Variants in TUBB4A observed in about 807,000 individuals in gnomAD.
TUBB4A encodes tubulin beta-4A chain.
Under a neutral mutation model 35.1 loss-of-function variants are expected in TUBB4A, and 13 were observed. The ratio of observed to expected loss-of-function variants is 0.37; its 90% CI spans 0.24 to 0.59. The LOEUF is 0.59. Ranked by LOEUF, TUBB4A falls within the 20% of genes least tolerant of loss-of-function variation. TUBB4A has a pLI of 0.71. For synonymous variants in TUBB4A, 279 were observed against 272.4 expected, an observed-to-expected ratio of 1.02 and a Z score of -0.24; for missense variants, 299 against 647.2, an observed-to-expected ratio of 0.46 and a Z score of 5.84.
chr19:6,497,021 AAAAATATATATATATATATATATATAT>A (rs1914256425), intron 3 of TUBB4A, among the ~76,000 whole-genome samples: 1 of 38,072 alleles, frequency 2.6e-5, no homozygotes, highest in South Asian at 1.0e-3. Flanking sequence ...AAAAAAAAAA[AAAAATATATATATATATATATATATAT>A]ATATATATAT....
chr19:6,495,649 G>T lies in TUBB4A; in HGVS notation c.850C>A (p.Leu284Met). 6.2e-7 allele frequency: 1 copy of T among 1,614,056 alleles called. No homozygotes were observed. The highest frequency in any genetic ancestry group is 1.1e-5 in the South Asian group (1 of 91,088). Residue 284 changes from leucine (L) to methionine (M), a missense_variant, in exon 4 of 4, where the codon CTG (leucine) becomes ATG (methionine). Leu to Met is a conservative substitution (Grantham distance 15). This residue lies in a region of TUBB4A where 125 missense variants were observed against 279.1 expected (regional missense o/e 0.45). Coordinates refer to ENST00000264071, the MANE Select transcript of TUBB4A (RefSeq NM_006087.4). This position sits in a 1 kb window ranked among gnomAD's most constrained non-coding sequence, Gnocchi z 8.7. ...TGCTGGGTGAGCTCGGGCACCGTCA[G>T]GGCCCGGTACTGCTGGCTGCCCCGG... ...TSRGSQQYRA[L>M]TVPELTQQMF...
chr19:6,498,804 T>C (rs774300155), intron 3 of TUBB4A, among the ~76,000 whole-genome samples: 1 of 152,248 alleles, frequency 6.6e-6, no homozygotes, highest in Non-Finnish European at 1.5e-5. Context: ...CTGTGTGACC[T>C]TGGACAAGTG....
In TUBB4A at chr19:6,497,218, A is replaced by G. The variant is rs1224461707; in HGVS notation, c.278-997T>C. Among the ~76,000 whole-genome samples, 4 of 149,862 alleles carry G rather than the reference A, an allele frequency of 2.7e-5. No individual in the cohort carries two copies. The Admixed American group carries it at 2.7e-4, about 10-fold the overall frequency. On this transcript the variant is annotated intron_variant, in intron 3 of 3. Coordinates refer to ENST00000264071, the MANE Select transcript of TUBB4A (RefSeq NM_006087.4). ...CAGAGCAAGACCCTGTCTCTAAAAC[A>G]AATAAATAATAACAATAAAAAGATT...
In TUBB4A at chr19:6,501,659, G is replaced by A. The variant is rs1167966307; in HGVS notation, c.58-36C>T. On this transcript the variant is annotated intron_variant, in intron 1 of 3. Transcript: ENST00000264071. This position sits in a 1 kb window ranked among gnomAD's most constrained non-coding sequence, Gnocchi z 4.2. ...AGGTGGTCGGAAGAGTTGAGAGAGGGGAAGCCGGTGGCCAAGCCGAGGACT... is the reference window on the plus strand; with the variant it reads ...AGGTGGTCGGAAGAGTTGAGAGAGGAGAAGCCGGTGGCCAAGCCGAGGACT... The A allele has an allele frequency of 5.7e-6, 9 of 1,579,998 alleles. No homozygotes were observed. Among genetic ancestry groups the A allele is most frequent in the Non-Finnish European group, 7.8e-6 (9 of 1,155,086 alleles).
rs1914148166 is a variant in TUBB4A at position 6,495,942 on chromosome 19, G to A, written c.557C>T (p.Thr186Met). ...SDTVVEPYNA[T>M]LSVHQLVENT... ...CTCCACCAGCTGGTGCACAGACAGC[G>A]TGGCGTTGTAGGGCTCCACCACCGT... Residue 186 changes from threonine (T) to methionine (M), a missense_variant, in exon 4 of 4, where the codon ACG becomes ATG. Transcript: ENST00000264071. This position sits in a 1 kb window ranked among gnomAD's most constrained non-coding sequence, Gnocchi z 8.7. 1 of 1,614,208 alleles carries A rather than the reference G, an allele frequency of 6.2e-7. No homozygotes were observed. Among genetic ancestry groups the A allele is most frequent in the Non-Finnish European group, 8.5e-7 (1 of 1,180,044 alleles).
At chr19:6,499,696 C>T (rs1286302653) in intron 3 of TUBB4A, among the ~76,000 whole-genome samples, 2 of 152,238 alleles carry the variant, frequency 1.3e-5, no homozygotes, top group Non-Finnish European at 2.9e-5. Flanking sequence ...ACATTCTAGA[C>T]TGCAGATAGT....
chr19:6,497,831 G>A (rs1478029113), intron 3 of TUBB4A, among the ~76,000 whole-genome samples: 2 of 146,308 alleles, frequency 1.4e-5, no homozygotes, highest in Non-Finnish European at 3.0e-5. Context: ...TACTCGGGAG[G>A]CTGAGCCTGC....
chr19:6,500,833 G>A (rs1914495651), intron 3 of TUBB4A: 1 of 157,244 alleles, frequency 6.4e-6, no homozygotes, highest in Non-Finnish European at 1.4e-5. Context: ...CCCTGGCAGA[G>A]CTTTACTTAT....
intron 3 of TUBB4A, 75 bp from the exon 4 acceptor site, chr19:6,496,296 T>C (rs1020830119): frequency 2.1e-6 from 3 of 1,413,120 alleles, no homozygotes; most frequent in Non-Finnish European, 2.9e-6. Context: ...CTCCACCACC[T>C]GGAGGGCCTC....
intron 3 of TUBB4A, among the ~76,000 whole-genome samples, chr19:6,498,296 T>A (rs1914362738): frequency 6.6e-6 from 1 of 152,044 alleles, no homozygotes; most frequent in South Asian, 2.1e-4. Flanking sequence ...CTCATCTGTC[T>A]CCACCTTAGT....
chr19:6,496,433 T>A (rs893414140), intron 3 of TUBB4A: 4 of 509,192 alleles, frequency 7.9e-6, no homozygotes, highest in Non-Finnish European at 1.4e-5. Flanking sequence ...ATCGAGACCA[T>A]CCTGGCTAAC....
chr19:6,495,167 G>A lies in TUBB4A; in HGVS notation c.1332C>T (p.Ala444=), dbSNP rs758734177. The change falls in exon 4 of 4, where the codon GCC becomes GCT. Residue 444 remains alanine (A), a synonymous_variant. Coordinates refer to ENST00000264071, the MANE Select transcript of TUBB4A (RefSeq NM_006087.4). This position sits in a 1 kb window ranked among gnomAD's most constrained non-coding sequence, Gnocchi z 8.7. The part of the protein sequence containing the change: ...EFEEEAEEEV[A] Reference sequence around the variant, plus strand: ...GGTGGGAAGCGATGGGAGCAGCCTAGGCCACCTCCTCCTCCGCCTCCTCCT... The same window carrying A: ...GGTGGGAAGCGATGGGAGCAGCCTAAGCCACCTCCTCCTCCGCCTCCTCCT... 14 of 1,613,636 alleles carry A rather than the reference G, an allele frequency of 8.7e-6. No individual in the cohort carries two copies. Among genetic ancestry groups the A allele is most frequent in the Non-Finnish European group, 2.5e-6 (3 of 1,179,824 alleles).
Position 6,501,875 on chromosome 19 carries a change from C to T in TUBB4A, c.58-252G>A. On this transcript the variant is annotated intron_variant, in intron 1 of 3. Transcript: ENST00000264071. The surrounding 1 kb of genome is among the most constrained non-coding windows in gnomAD (Gnocchi z 4.2). ...CCAGGCTGCAGCCCGGGGGAGGCAC[C>T]GGGGCTCTTTGTGCGTGAGGAGGGG... is the stretch of plus-strand genomic sequence containing the variant. The T allele has an allele frequency of 3.4e-6, 2 of 585,456 alleles. No homozygotes were observed. The highest frequency in any genetic ancestry group is 4.2e-5 in the South Asian group (2 of 47,718). The allele number at this position is 585,456 out of a possible 1,614,324, so 36.3% of individuals were successfully genotyped here.
At chr19:6,497,027 ATATATATATATATATATATATATAT>A (rs1914270711) in intron 3 of TUBB4A, among the ~76,000 whole-genome samples, 14 of 15,968 alleles carry the variant, frequency 8.8e-4, no homozygotes, top group Admixed American at 2.0e-3. Context: ...AAAAAAAAAT[ATATATATATATATATATATATATAT>A]ATATATATAT....
At chr19:6,497,061 A>ATATG (rs1914278499) in intron 3 of TUBB4A, among the ~76,000 whole-genome samples, 3 of 100,186 alleles carry the variant, frequency 3.0e-5, no homozygotes, top group East Asian at 6.5e-4. Flanking sequence ...ATATATATAT[A>ATATG]TATAAATTAG....
intron 3 of TUBB4A, among the ~76,000 whole-genome samples, chr19:6,499,433 G>A (rs1914426112): frequency 6.6e-6 from 1 of 152,084 alleles, no homozygotes; most frequent in Admixed American, 6.6e-5. Flanking sequence ...CCTGTAAAAT[G>A]GAAGTAAGAG....
At position 6,495,819 on chromosome 19, in the gene TUBB4A, TG is replaced by T. The variant is rs749328256; in HGVS notation, c.679del (p.His227ThrfsTer7). ...CCCGCTCATGGTGGCCGACACCAGG[TG>T]GTTGAGGTCCCCGTAGGTGGGGGTG... ...LTTPTYGDLN[H>X]LVSATMSGVT... On this transcript the variant is annotated frameshift_variant, in exon 4 of 4. Transcript: ENST00000264071. LOFTEE classifies it high-confidence loss of function. The surrounding 1 kb of genome is among the most constrained non-coding windows in gnomAD (Gnocchi z 8.7). The T allele has an allele frequency of 6.2e-7, 1 of 1,613,886 alleles. No individual in the cohort carries two copies. The highest frequency in any genetic ancestry group is 8.5e-7 in the Non-Finnish European group (1 of 1,179,994).
Position 6,501,327 on chromosome 19 carries a change from G to T in TUBB4A, c.237C>A (p.Gly79=). The T allele has an allele frequency of 6.2e-7, 1 of 1,614,164 alleles. No homozygotes were observed. The highest frequency in any genetic ancestry group is 8.5e-7 in the Non-Finnish European group (1 of 1,180,006). The change falls in exon 3 of 4, where the codon GGC becomes GGA. Residue 79 remains glycine (G), a synonymous_variant. Coordinates refer to ENST00000264071, the MANE Select transcript of TUBB4A (RefSeq NM_006087.4). The surrounding 1 kb of genome is among the most constrained non-coding windows in gnomAD (Gnocchi z 4.2). ...EPGTMDSVRS[G]PFGQIFRPDN... ...CCGGCCGAAAGATCTGACCGAAGGG[G>T]CCAGAACGGACAGAGTCCATGGTGC...
At chr19:6,497,660 C>A (rs999287403) in intron 3 of TUBB4A, among the ~76,000 whole-genome samples, 4 of 151,920 alleles carry the variant, frequency 2.6e-5, no homozygotes, top group Non-Finnish European at 5.9e-5. Context: ...ATTGGCCAGG[C>A]GCAGTGGCTC....
Sources: gnomAD v4.1 joint callset for allele counts (sites outside exome capture counted in the v4.1 genomes callset) on GRCh38, gnomAD v4.1.1 for gene constraint, gnomAD v4.1.1 regional missense constraint, Gnocchi (gnomAD v3.1) non-coding constraint, MANE v1.5 for transcripts, NCBI Gene and HGNC (gene_info 2026-07-23, HGNC 2026-07-21) for gene names.